FOXP2: variants seen among roughly 807,000 people sequenced by gnomAD.
FOXP2 encodes forkhead box protein P2.
Under a neutral mutation model 115.8 loss-of-function variants are expected in FOXP2, and 12 were observed. The ratio of observed to expected loss-of-function variants is 0.10; its 90% CI spans 0.07 to 0.17. FOXP2 has a LOEUF of 0.17. Among genes scored for constraint, FOXP2 ranks in the 10% least tolerant of loss-of-function variants. The pLI, the probability that FOXP2 is intolerant of heterozygous loss-of-function variation, is 1.00. For missense variants in FOXP2, 629 were observed against 843.5 expected, an observed-to-expected ratio of 0.75 and a Z score of 3.15; for synonymous variants, 328 against 297.7, an observed-to-expected ratio of 1.10 and a Z score of -1.05.
intron 3 of FOXP2, among the ~76,000 whole-genome samples, chr7:114,611,185 G>A: frequency 6.6e-6 from 1 of 152,116 alleles, no homozygotes; most frequent in East Asian, 1.9e-4. Context: ...TTGCCATATT[G>A]GGAATATGTG....
chr7:114,198,296 G>T (rs1002600502), intron 1 of FOXP2, among the ~76,000 whole-genome samples: 2 of 152,190 alleles, frequency 1.3e-5, no homozygotes, highest in Non-Finnish European at 2.9e-5. Context: ...TCATAAAGGA[G>T]TATTGGAAGT....
At chr7:114,504,529 A>G in intron 2 of FOXP2, among the ~76,000 whole-genome samples, 1 of 151,816 alleles carries the variant, frequency 6.6e-6, no homozygotes. Context: ...CTCATTTTTA[A>G]GTAAAATTTA....
intron 1 of FOXP2, among the ~76,000 whole-genome samples, chr7:114,132,413 A>G (rs1287625219): frequency 6.6e-6 from 1 of 152,182 alleles, no homozygotes; most frequent in East Asian, 1.9e-4. Flanking sequence ...AGAACAAAAC[A>G]TAAAAAAATC....
chr7:114,169,099 G>A (rs1182005863), intron 1 of FOXP2, among the ~76,000 whole-genome samples: 1 of 152,250 alleles, frequency 6.6e-6, no homozygotes, highest in East Asian at 1.9e-4. Context: ...CTCTGCTAGG[G>A]CAGTGCAGAA....
chr7:114,309,238 A>C (rs908625901), intron 2 of FOXP2, among the ~76,000 whole-genome samples: 3 of 152,196 alleles, frequency 2.0e-5, no homozygotes, highest in Admixed American at 6.5e-5. Context: ...TGCAGTTGTC[A>C]CTTGGCTCTC....
intron 2 of FOXP2, among the ~76,000 whole-genome samples, chr7:114,294,504 T>C (rs1584614763): frequency 6.6e-6 from 1 of 152,036 alleles, no homozygotes; most frequent in South Asian, 2.1e-4. Context: ...GAAAAGTGAA[T>C]TGAAAAGTAT....
Position 114,476,661 on chromosome 7 carries a change from A to T in FOXP2, c.168+49982A>T, listed in dbSNP as rs568747751. On this transcript the variant is annotated intron_variant, in intron 2 of 16. Coordinates refer to ENST00000350908, the MANE Select transcript of FOXP2 (RefSeq NM_014491.4). ...TTTTTTTCTAATTCTGTCAAGAATG[A>T]TGTTGGTAATTGATAGGAATAGTGT... Among the ~76,000 whole-genome samples, 5 of 151,922 alleles carry T rather than the reference A, an allele frequency of 3.3e-5. No individual in the cohort carries two copies. The South Asian group carries it at 1.0e-3, about 31-fold the overall frequency.
At chr7:114,516,247 A>G (rs1798336418) in intron 2 of FOXP2, among the ~76,000 whole-genome samples, 1 of 152,202 alleles carries the variant, frequency 6.6e-6, no homozygotes, top group African/African-American at 2.4e-5. Flanking sequence ...GCCCTCAGAA[A>G]TAATGCCGCA....
intron 4 of FOXP2, 179 bp downstream of exon 4, chr7:114,628,856 A>G (rs1274099092): frequency 3.4e-5 from 24 of 712,422 alleles, no homozygotes; most frequent in Non-Finnish European, 5.0e-5. Context: ...TAGATTGCTT[A>G]TTTTTTTAAA....
intron 2 of FOXP2, among the ~76,000 whole-genome samples, chr7:114,498,637 TTA>T (rs1336648313): frequency 1.3e-5 from 2 of 152,296 alleles, no homozygotes; most frequent in African/African-American, 4.8e-5. Flanking sequence ...AAACTATAAG[TTA>T]TCTTAATAGG....
chr7:114,626,871 A>G (rs2129326114), intron 3 of FOXP2, among the ~76,000 whole-genome samples: 1 of 151,970 alleles, frequency 6.6e-6, no homozygotes, highest in South Asian at 2.1e-4. Flanking sequence ...ATTTTACAAT[A>G]TACATTTCAG....
chr7:114,245,459 T>G (rs1422544434), intron 1 of FOXP2, among the ~76,000 whole-genome samples: 1 of 152,192 alleles, frequency 6.6e-6, no homozygotes, highest in Non-Finnish European at 1.5e-5. Flanking sequence ...CTCACATACT[T>G]TCACAAAACA....
chr7:114,462,560 C>A (rs1260370482), intron 2 of FOXP2, among the ~76,000 whole-genome samples: 1 of 151,660 alleles, frequency 6.6e-6, no homozygotes, highest in Non-Finnish European at 1.5e-5. Flanking sequence ...TGAGTAGAGA[C>A]GGGGTTTGGC....
At chr7:114,544,639 T>C (rs930952003) in intron 3 of FOXP2, among the ~76,000 whole-genome samples, 1 of 152,224 alleles carries the variant, frequency 6.6e-6, no homozygotes, top group African/African-American at 2.4e-5. Flanking sequence ...AACATTATGA[T>C]GTGCTGACAT....
At chr7:114,145,725 A>G (rs745585018) in intron 1 of FOXP2, among the ~76,000 whole-genome samples, 1 of 152,090 alleles carries the variant, frequency 6.6e-6, no homozygotes, top group Non-Finnish European at 1.5e-5. Flanking sequence ...AGTAATACAG[A>G]ATGGGTAATA....
At chr7:114,547,164 C>T (rs1010714175) in intron 3 of FOXP2, among the ~76,000 whole-genome samples, 1 of 152,174 alleles carries the variant, frequency 6.6e-6, no homozygotes, top group African/African-American at 2.4e-5. Context: ...TTATGAAATA[C>T]TATTTCTAAT....
At chr7:114,110,857 G>A (rs1791250839) in intron 1 of FOXP2, among the ~76,000 whole-genome samples, 1 of 152,138 alleles carries the variant, frequency 6.6e-6, no homozygotes, top group East Asian at 1.9e-4. Context: ...GAATTTAGTA[G>A]TGAGCATTTG....
intron 2 of FOXP2, among the ~76,000 whole-genome samples, chr7:114,506,925 T>G (rs1797847734): frequency 6.6e-6 from 1 of 151,742 alleles, no homozygotes; most frequent in Non-Finnish European, 1.5e-5. Context: ...CTGCTTGTTG[T>G]AGGAGTAAAT....
At chr7:114,356,391 G>T (rs1791618022) in intron 2 of FOXP2, among the ~76,000 whole-genome samples, 1 of 152,028 alleles carries the variant, frequency 6.6e-6, no homozygotes, top group Non-Finnish European at 1.5e-5. Flanking sequence ...GTTAATTCAG[G>T]GTCAAGCCAG....
Sources: gnomAD v4.1 joint callset for allele counts (sites outside exome capture counted in the v4.1 genomes callset) on GRCh38, gnomAD v4.1.1 for gene constraint, MANE v1.5 for transcripts, NCBI Gene and HGNC (gene_info 2026-07-23, HGNC 2026-07-21) for gene names.